The following PPARGC1A variants were observed in gnomAD, a reference collection of about 807,000 sequenced individuals.
PPARGC1A encodes PPARG coactivator 1 alpha, also known as peroxisome proliferator-activated receptor gamma coactivator 1-alpha.
Under a neutral mutation model 88.7 loss-of-function variants are expected in PPARGC1A, and 25 were observed. That is an observed-to-expected ratio of 0.28 (90% CI 0.21 to 0.39). The LOEUF is 0.39. Among genes scored for constraint, PPARGC1A ranks in the 10% least tolerant of loss-of-function variants. The pLI is 1.00. For missense variants in PPARGC1A, 880 were observed against 968.7 expected, an observed-to-expected ratio of 0.91 and a Z score of 1.22; for synonymous variants, 363 against 355.6, an observed-to-expected ratio of 1.02 and a Z score of -0.24.
intron 2 of PPARGC1A, among the ~76,000 whole-genome samples, chr4:23,847,982 T>C (rs1728614952): frequency 6.6e-6 from 1 of 152,174 alleles, no homozygotes; most frequent in East Asian, 1.9e-4. Context: ...GATTAAATAA[T>C]TAATCAAAGT....
the PPARGC1A span, among the ~76,000 whole-genome samples, chr4:24,105,356 CA>C: frequency 6.6e-6 from 1 of 152,206 alleles, no homozygotes; most frequent in South Asian, 2.1e-4. Context: ...GGCAGCTCAT[CA>C]CACTTTAGGA....
At chr4:24,290,993 C>T in the PPARGC1A span, among the ~76,000 whole-genome samples, 1 of 152,178 alleles carries the variant, frequency 6.6e-6, no homozygotes, top group African/African-American at 2.4e-5. Context: ...ACTTTCTCCA[C>T]CCTCCATTGC....
chr4:23,867,676 C>A (rs948176018), intron 2 of PPARGC1A, among the ~76,000 whole-genome samples: 2 of 152,172 alleles, frequency 1.3e-5, no homozygotes, highest in Non-Finnish European at 2.9e-5. Flanking sequence ...AAAGTAAGGT[C>A]AGAATCATTC....
the PPARGC1A span, among the ~76,000 whole-genome samples, chr4:24,078,465 C>T: frequency 6.6e-6 from 1 of 152,084 alleles, no homozygotes; most frequent in Non-Finnish European, 1.5e-5. Context: ...ATTAACTGTT[C>T]TTCTACTGTG....
the PPARGC1A span, among the ~76,000 whole-genome samples, chr4:24,045,571 C>T: frequency 1.6e-4 from 25 of 152,154 alleles, no homozygotes; most frequent in African/African-American, 6.0e-4. Context: ...CGCTACTTGG[C>T]TTGTAGATAC....
chr4:24,204,586 A>T, the PPARGC1A span, among the ~76,000 whole-genome samples: 1 of 152,126 alleles, frequency 6.6e-6, no homozygotes, highest in Non-Finnish European at 1.5e-5. Flanking sequence ...ACATCCACAT[A>T]ACCCTGAGAA....
chr4:24,335,377 C>T, the PPARGC1A span, among the ~76,000 whole-genome samples: 3 of 152,088 alleles, frequency 2.0e-5, no homozygotes, highest in Non-Finnish European at 4.4e-5. Context: ...TGATGCCAGC[C>T]CATAGGTGCT....
At chr4:23,900,117 G>C (rs545579665), upstream of PPARGC1A, among the ~76,000 whole-genome samples, 2 of 152,010 alleles carry the variant, frequency 1.3e-5, no homozygotes, top group Non-Finnish European at 2.9e-5. Flanking sequence ...TGATGTCTAG[G>C]CTTGTTTGTC....
At chr4:24,262,308 G>A in the PPARGC1A span, among the ~76,000 whole-genome samples, 1 of 152,186 alleles carries the variant, frequency 6.6e-6, no homozygotes, top group Non-Finnish European at 1.5e-5. Context: ...TCATTCTGGA[G>A]GTTCCGCAGA....
At chr4:24,148,157 C>G in the PPARGC1A span, among the ~76,000 whole-genome samples, 35 of 152,168 alleles carry the variant, frequency 2.3e-4, no homozygotes, top group South Asian at 6.2e-4. Flanking sequence ...TTTCTCCCCC[C>G]ACAAAAACAC....
At chr4:24,126,546 A>G in the PPARGC1A span, among the ~76,000 whole-genome samples, 1 of 152,164 alleles carries the variant, frequency 6.6e-6, no homozygotes, top group African/African-American at 2.4e-5. Context: ...TGAGTCTCAG[A>G]GAGAGGGAGG....
chr4:24,008,279 A>G, the PPARGC1A span, among the ~76,000 whole-genome samples: 1 of 152,168 alleles, frequency 6.6e-6, no homozygotes, highest in Non-Finnish European at 1.5e-5. Flanking sequence ...GGGGAAGATA[A>G]AAGTTTATTT....
At chr4:23,840,647 A>G (rs978695331) in intron 2 of PPARGC1A, among the ~76,000 whole-genome samples, 1 of 152,096 alleles carries the variant, frequency 6.6e-6, no homozygotes, top group African/African-American at 2.4e-5. Flanking sequence ...TGAACTATCT[A>G]AAAGGGGAGG....
chr4:24,276,656 T>G, the PPARGC1A span, among the ~76,000 whole-genome samples: 4 of 152,332 alleles, frequency 2.6e-5, no homozygotes, highest in South Asian at 2.1e-4. Context: ...TAATTAGCAA[T>G]TCATTCTTTG....
chr4:23,963,843 G>A, the PPARGC1A span, among the ~76,000 whole-genome samples: 1 of 152,162 alleles, frequency 6.6e-6, no homozygotes, highest in Non-Finnish European at 1.5e-5. Flanking sequence ...TCATAGTCGG[G>A]TGAAGAGTAA....
chr4:24,075,227 A>G, the PPARGC1A span, among the ~76,000 whole-genome samples: 4 of 152,178 alleles, frequency 2.6e-5, no homozygotes, highest in Non-Finnish European at 4.4e-5. Flanking sequence ...AAGTTGCCAC[A>G]TGGGTTTCAA....
intron 2 of PPARGC1A, among the ~76,000 whole-genome samples, chr4:23,843,460 C>CATAT (rs1308195996): frequency 6.6e-6 from 1 of 151,992 alleles, no homozygotes; most frequent in Non-Finnish European, 1.5e-5. Context: ...CCATGCAAAT[C>CATAT]ATATAGAACA....
At chr4:24,471,621 C>T in the PPARGC1A span, among the ~76,000 whole-genome samples, 1 of 152,208 alleles carries the variant, frequency 6.6e-6, no homozygotes, top group Admixed American at 6.5e-5. This position sits in a 1 kb window ranked among gnomAD's most constrained non-coding sequence, Gnocchi z 5.4. Flanking sequence ...TCCTTCCACG[C>T]CCCCCTTCCG....
chr4:24,018,018 A>G, the PPARGC1A span, among the ~76,000 whole-genome samples: 1 of 152,206 alleles, frequency 6.6e-6, no homozygotes, highest in South Asian at 2.1e-4. Context: ...TGGAAGCCCT[A>G]AAAGTTCCAG....
Sources: gnomAD v4.1 joint callset for allele counts (sites outside exome capture counted in the v4.1 genomes callset) on GRCh38, gnomAD v4.1.1 for gene constraint, Gnocchi (gnomAD v3.1) non-coding constraint, MANE v1.5 for transcripts, NCBI Gene and HGNC (gene_info 2026-07-23, HGNC 2026-07-21) for gene names.